Variants in SREK1 observed in about 807,000 individuals in gnomAD.
SREK1 encodes splicing regulatory glutamine/lysine-rich protein 1.
A neutral mutation model predicts 66.5 loss-of-function variants in SREK1; 13 were observed. The ratio of observed to expected loss-of-function variants is 0.20; its 90% CI spans 0.13 to 0.31. SREK1 has a LOEUF of 0.31. SREK1 is among the 10% of genes least tolerant of loss of function. The pLI is 1.00. For synonymous variants in SREK1, 265 were observed against 263.5 expected (o/e 1.01, Z -0.05); for missense variants, 607 against 769.6 (o/e 0.79, Z 2.50).
At chr5:66,147,891 CTG>C (rs796576395) in intron 1 of SREK1, among the ~76,000 whole-genome samples, 11 of 150,398 alleles carry the variant, frequency 7.3e-5, no homozygotes, top group African/African-American at 2.4e-4. Flanking sequence ...AGGAATCACA[CTG>C]TTATTTTACT....
chr5:66,172,689 C>T (rs909376565), intron 9 of SREK1, among the ~76,000 whole-genome samples: 2 of 152,012 alleles, frequency 1.3e-5, no homozygotes, highest in African/African-American at 2.4e-5. Context: ...AGTCACTGCA[C>T]CTGGCTCAAA....
intron 1 of SREK1, among the ~76,000 whole-genome samples, chr5:66,147,855 T>TTTAATAAAAGACAAAATAACC (rs1554074771): frequency 3.9e-5 from 6 of 152,184 alleles, no homozygotes; most frequent in Non-Finnish European, 5.9e-5. Context: ...TATCATTATG[T>TTTAATAAAAGACAAAATAACC]AATATATGTA....
At chr5:66,152,986 A>C (rs1279695783) in intron 1 of SREK1, among the ~76,000 whole-genome samples, 1 of 152,118 alleles carries the variant, frequency 6.6e-6, no homozygotes, top group South Asian at 2.1e-4. Context: ...TATGCAAAAT[A>C]CCTCAATTTA....
At chr5:66,173,741 CTG>C (rs1745839546) in intron 9 of SREK1, among the ~76,000 whole-genome samples, 1 of 152,172 alleles carries the variant, frequency 6.6e-6, no homozygotes, top group South Asian at 2.1e-4. Context: ...ATCTTAAAGT[CTG>C]GAATACGCTG....
intron 1 of SREK1, among the ~76,000 whole-genome samples, chr5:66,147,999 A>C (rs979059653): frequency 1.3e-5 from 2 of 151,980 alleles, no homozygotes; most frequent in Non-Finnish European, 2.9e-5. Flanking sequence ...TGTTTTTGAA[A>C]TTCTATTGTT....
In SREK1 at chr5:66,144,473, G is replaced by C. The variant is rs1292897247; in HGVS notation, c.97G>C (p.Glu33Gln). The C allele has an allele frequency of 1.9e-6, 3 of 1,553,016 alleles. No homozygotes were observed. Among genetic ancestry groups the C allele is most frequent in the Non-Finnish European group, 2.6e-6 (3 of 1,147,704 alleles). ...GAATCTGTCGTCGGCGGTGACCAGC[G>C]AGCAGATGCGGACGCTTTTTTCCTT... ...VTNLSSAVTS[E>Q]QMRTLFSFLG... The change falls in exon 1 of 12, where the codon GAG becomes CAG. Residue 33 changes from glutamate to glutamine, a missense_variant. This residue lies in a region of SREK1 where 75 missense variants were observed against 72.9 expected (regional missense o/e 1.03). Coordinates refer to ENST00000334121, the MANE Select transcript of SREK1 (RefSeq NM_001077199.3).
In SREK1 at chr5:66,177,563, G is replaced by C; in HGVS notation, c.1630G>C (p.Glu544Gln). The C allele has an allele frequency of 6.2e-7, 1 of 1,609,856 alleles. No homozygotes were observed. Among genetic ancestry groups the C allele is most frequent in the Non-Finnish European group, 8.5e-7 (1 of 1,177,596 alleles). Residue 544 changes from glutamate (E) to glutamine (Q), a missense_variant, in exon 11 of 12, where the codon GAA becomes CAA. This residue lies in a region of SREK1 where 318 missense variants were observed against 310.3 expected (regional missense o/e 1.02). Coordinates refer to ENST00000334121, the MANE Select transcript of SREK1 (RefSeq NM_001077199.3). ...KREKERDHIS[E>Q]RRERERSTSM... ...AGAAAAAGAAAGGGACCACATCAGT[G>C]AAAGAAGAGAGAGAGAACGTTCAAC...
At chr5:66,147,508 C>T (rs769203581) in intron 1 of SREK1, among the ~76,000 whole-genome samples, 11 of 152,164 alleles carry the variant, frequency 7.2e-5, no homozygotes, top group African/African-American at 2.4e-4. Flanking sequence ...CCCGTGACCC[C>T]CTTCAAGTAA....
rs1484585522 is a variant in SREK1, at chr5:66,162,135, A to T, written c.438A>T (p.Gly146=). ...TTGGTGTTTCACTTAGCAGTTTGGG[A>T]GCTATACCAGCAGCAGCACTAGACC... ...TTLGVSLSSL[G]AIPAAALDPN... Residue 146 remains glycine (G), a synonymous_variant, in exon 4 of 12, where the codon GGA becomes GGT. Transcript: ENST00000334121. 6.2e-7 allele frequency: 1 copy of T among 1,613,232 alleles called. No homozygotes were observed. Among genetic ancestry groups the T allele is most frequent in the African/African-American group, 1.3e-5 (1 of 74,900 alleles).
chr5:66,145,891 G>A (rs1743150822), intron 1 of SREK1, among the ~76,000 whole-genome samples: 1 of 150,642 alleles, frequency 6.6e-6, no homozygotes, highest in African/African-American at 2.4e-5. Context: ...TTCTAAAGTC[G>A]TGACATTGAT....
intron 1 of SREK1, among the ~76,000 whole-genome samples, chr5:66,149,501 C>A (rs1478358757): frequency 6.6e-6 from 1 of 152,196 alleles, no homozygotes. Context: ...GGCATGTCTT[C>A]AGATGTAGTT....
intron 3 of SREK1, among the ~76,000 whole-genome samples, chr5:66,161,560 G>A (rs1339322003): frequency 6.6e-6 from 1 of 152,202 alleles, no homozygotes; most frequent in African/African-American, 2.4e-5. Context: ...CAGGGAGATT[G>A]TGAAGTGCCT....
At chr5:66,168,588 C>G (rs1309267650) in intron 7 of SREK1, 2 of 152,110 alleles carry the variant, frequency 1.3e-5, no homozygotes, top group African/African-American at 4.8e-5. Context: ...ATCTTGAAAT[C>G]CTGACCTCAA....
rs775726132 is a variant in SREK1 at position 66,170,837 on chromosome 5, A to C, written c.1374A>C (p.Glu458Asp). ...EKEKEQDKEK[E>D]REKDRSKEID... ...AAAAGGAACAGGACAAAGAAAAGGA[A>C]CGAGAAAAAGACAGATCCAAAGAGA... is the stretch of plus-strand genomic sequence containing the variant. The change falls in exon 9 of 12, where the codon GAA (glutamate) becomes GAC (aspartate). Residue 458 changes from glutamate (E) to aspartate (D), a missense_variant. Physicochemically the swap from Glu to Asp is conservative, Grantham distance 45 (BLOSUM62 2). Around this residue, in one of 5 missense-constraint regions of SREK1, gnomAD observed 318 missense variants for 310.3 expected, o/e 1.02. Coordinates refer to ENST00000334121, the MANE Select transcript of SREK1 (RefSeq NM_001077199.3). 4 of 1,613,872 alleles carry C rather than the reference A, an allele frequency of 2.5e-6. No individual in the cohort carries two copies. The East Asian group carries it at 8.9e-5, about 36-fold the overall frequency.
In SREK1 at chr5:66,181,091, TAA is replaced by T. The variant is rs1746448081; in HGVS notation, c.*2224_*2225del. 1 of 152,204 alleles carries T rather than the reference TAA, an allele frequency of 6.6e-6. No individual in the cohort carries two copies. The highest frequency in any genetic ancestry group is 2.4e-5 in the African/African-American group (1 of 41,466). The allele number at this position is 152,204 out of a possible 1,614,324, so 9.4% of individuals were successfully genotyped here. ...TAACATTTAATTTGGTTCTTGCTGCTAATTATTTTCTCTGCTGATATTTATTA... is the reference window on the plus strand; with the variant it reads ...TAACATTTAATTTGGTTCTTGCTGCTTTATTTTCTCTGCTGATATTTATTA... On this transcript the variant is annotated 3_prime_UTR_variant, in exon 12 of 12. Transcript: ENST00000334121.
rs942247475 is a variant in SREK1 at position 66,183,464 on chromosome 5, A to G, written c.*4596A>G. On this transcript the variant is annotated 3_prime_UTR_variant, in exon 12 of 12. Coordinates refer to ENST00000334121, the MANE Select transcript of SREK1 (RefSeq NM_001077199.3). ...TTAATAGAACAGTGTTAGATTATCAAGGGAAGAGTTTGGAATGTAAACATA... is the reference window on the plus strand; with the variant it reads ...TTAATAGAACAGTGTTAGATTATCAGGGGAAGAGTTTGGAATGTAAACATA... The G allele has an allele frequency of 3.3e-5, 5 of 152,196 alleles. No individual in the cohort carries two copies. Among genetic ancestry groups the G allele is most frequent in the African/African-American group, 1.2e-4 (5 of 41,442 alleles). 9.4% of individuals were successfully genotyped at this position (152,196 alleles called of 1,614,324 possible).
At chr5:66,162,850 C>T (rs533578895) in intron 5 of SREK1, 9 of 300,770 alleles carry the variant, frequency 3.0e-5, no homozygotes, top group African/African-American at 4.4e-5. Context: ...CCCTGCATAA[C>T]GGTTGTAGGT....
chr5:66,152,035 C>T lies in SREK1; in HGVS notation c.162-1428C>T, dbSNP rs1456663036. On this transcript the variant is annotated intron_variant, in intron 1 of 11. Coordinates refer to ENST00000334121, the MANE Select transcript of SREK1 (RefSeq NM_001077199.3). ...GAATTTTTTGTATTTTTAGTAGAGA[C>T]GGGGTTTCACCGTGTTAGCCAGGAT... Among the ~76,000 whole-genome samples the T allele has an allele frequency of 2.6e-5, 4 of 151,682 alleles. No individual in the cohort carries two copies. In the South Asian group the frequency reaches 6.2e-4, roughly 24 times the overall value.
At position 66,178,907 on chromosome 5, in the gene SREK1, A is replaced by C. The variant is rs745760835; in HGVS notation, c.*39A>C. ...ACCTCTGCACTCAATGCTGGAATCA[A>C]ATCCAAAGCTTTTAATTCTCTCAAC... On this transcript the variant is annotated 3_prime_UTR_variant, in exon 12 of 12. Coordinates refer to ENST00000334121, the MANE Select transcript of SREK1 (RefSeq NM_001077199.3). The C allele has an allele frequency of 7.2e-6, 11 of 1,519,640 alleles. No individual in the cohort carries two copies. The African/African-American group carries it at 9.7e-5, about 13-fold the overall frequency. The allele number at this position is 1,519,640 out of a possible 1,614,324, so 94.1% of individuals were successfully genotyped here. A position where few individuals can be genotyped will look rare whatever the true frequency, so the allele number is the denominator to read the frequency against.
Sources: allele counts gnomAD v4.1 joint callset (sites outside exome capture counted in the v4.1 genomes callset), GRCh38; gene constraint gnomAD v4.1.1; regional missense constraint gnomAD v4.1.1; transcripts MANE v1.5; gene names NCBI Gene and HGNC (gene_info 2026-07-23, HGNC 2026-07-21).